The following PUDP variants were observed in gnomAD, a reference collection of about 807,000 sequenced individuals.
PUDP encodes the protein pseudouridine-5'-phosphatase.
In PUDP, 8 loss-of-function variants were observed where a neutral mutation model predicts 9.4. The observed-to-expected ratio is 0.85, with a 90% confidence interval of 0.50 to 1.53. PUDP has a LOEUF of 1.53. PUDP is among the 40% of genes most tolerant of loss of function. The pLI, the probability that PUDP is intolerant of heterozygous loss-of-function variation, is 0.00. For synonymous variants in PUDP, 99 were observed against 80.7 expected (o/e 1.23, Z -1.22); for missense variants, 188 against 189.7 (o/e 0.99, Z 0.05).
intron 1 of PUDP, among the ~76,000 whole-genome samples, chrX:7,002,558 G>A (rs1259157249): frequency 1.8e-5 from 2 of 111,492 alleles, no homozygotes; most frequent in African/African-American, 3.3e-5. Context: ...TGCCTAATGG[G>A]TGAGCTTCAA....
At chrX:6,770,779 C>T (rs189344735) in intron 3 of PUDP, among the ~76,000 whole-genome samples, 1 of 111,534 alleles carries the variant, frequency 9.0e-6, no homozygotes, top group East Asian at 2.8e-4. Context: ...AGAACCTGAC[C>T]GACAGATATG....
At chrX:6,869,114 C>G (rs1293721880) in intron 3 of PUDP, among the ~76,000 whole-genome samples, 2 of 111,945 alleles carry the variant, frequency 1.8e-5, no homozygotes, top group African/African-American at 6.5e-5. Flanking sequence ...ACCACCTGCT[C>G]TCAGCCAAAT....
Position 7,050,136 on chromosome X carries a change from G to A in PUDP, c.*160C>T, listed in dbSNP as rs1930054610. The A allele has an allele frequency of 2.1e-6, 1 of 473,231 alleles. No individual in the cohort carries two copies. The highest frequency in any genetic ancestry group is 3.4e-6 in the Non-Finnish European group (1 of 290,286). The allele number at this position is 473,231 out of a possible 1,213,427, so 39.0% of individuals were successfully genotyped here. A position where few individuals can be genotyped will look rare whatever the true frequency, so the allele number is the denominator to read the frequency against. On this transcript the variant is annotated 3_prime_UTR_variant, in exon 4 of 4. Coordinates refer to ENST00000381077, the MANE Select transcript of PUDP (RefSeq NM_012080.5). ...CCGTCAAGTCACATTTTATCAACAC[G>A]TTAGACTGGGACAAACCAACATGGG... is the stretch of plus-strand genomic sequence containing the variant.
chrX:6,845,072 C>A (rs767628344), intron 3 of PUDP, among the ~76,000 whole-genome samples: 1 of 112,257 alleles, frequency 8.9e-6, no homozygotes, highest in African/African-American at 3.2e-5. Context: ...TTCAAATGCT[C>A]ATCTCTTCCA....
intron 3 of PUDP, among the ~76,000 whole-genome samples, chrX:6,860,803 C>T (rs772886637): frequency 1.8e-5 from 2 of 112,378 alleles, no homozygotes; most frequent in Non-Finnish European, 3.8e-5. Flanking sequence ...CATGTTCTGC[C>T]TCCTAATGAA....
At chrX:6,934,511 C>T (rs1408094332) in intron 3 of PUDP, among the ~76,000 whole-genome samples, 2 of 109,921 alleles carry the variant, frequency 1.8e-5, no homozygotes, top group Non-Finnish European at 3.8e-5. Flanking sequence ...ACAACCGGTA[C>T]CAGCCGCTGC....
At chrX:6,818,074 T>C (rs1271163888) in intron 3 of PUDP, among the ~76,000 whole-genome samples, 1 of 111,785 alleles carries the variant, frequency 8.9e-6, no homozygotes, top group African/African-American at 3.2e-5. Flanking sequence ...CCATATTCTA[T>C]ATGAAGTCTC....
chrX:7,064,140 T>A, intron 3 of PUDP, among the ~76,000 whole-genome samples: 1 of 111,543 alleles, frequency 9.0e-6, no homozygotes, highest in Admixed American at 9.5e-5. Context: ...TATGTTGGGA[T>A]ATGCACTGGA....
intron 2 of PUDP, among the ~76,000 whole-genome samples, chrX:7,081,401 C>T (rs1931082189): frequency 8.9e-6 from 1 of 112,142 alleles, no homozygotes; most frequent in African/African-American, 3.2e-5. Context: ...AATCCTCTTG[C>T]CTCGGCCTCT....
intron 3 of PUDP, among the ~76,000 whole-genome samples, chrX:6,972,738 G>A (rs1928895834): frequency 8.9e-6 from 1 of 111,978 alleles, no homozygotes; most frequent in Non-Finnish European, 1.9e-5. Context: ...AGTTAGGGAG[G>A]AGTCCCTCTT....
intron 1 of PUDP, among the ~76,000 whole-genome samples, chrX:7,018,811 T>C (rs968686692): frequency 1.8e-5 from 2 of 111,697 alleles, no homozygotes; most frequent in Non-Finnish European, 3.8e-5. Flanking sequence ...TTGAACTTGC[T>C]GGTCGGCATT....
At chrX:7,002,616 G>A (rs1929342027) in intron 1 of PUDP, among the ~76,000 whole-genome samples, 1 of 111,230 alleles carries the variant, frequency 9.0e-6, no homozygotes, top group South Asian at 3.8e-4. Flanking sequence ...TGGAAGACAT[G>A]GAGAAGGGGT....
intron 3 of PUDP, among the ~76,000 whole-genome samples, chrX:6,968,452 G>A (rs773543656): frequency 5.4e-5 from 6 of 111,164 alleles, no homozygotes; most frequent in Middle Eastern, 4.6e-3. Flanking sequence ...CTGGGGCAGG[G>A]GGGTGTGAGT....
chrX:6,917,572 C>T (rs1325819872), intron 3 of PUDP, among the ~76,000 whole-genome samples: 1 of 111,416 alleles, frequency 9.0e-6, no homozygotes, highest in African/African-American at 3.3e-5. Context: ...ATAGGGCCGA[C>T]ACATGATGAA....
intron 3 of PUDP, among the ~76,000 whole-genome samples, chrX:6,945,747 A>T (rs758149425): frequency 1.8e-5 from 2 of 111,748 alleles, no homozygotes; most frequent in East Asian, 5.6e-4. Flanking sequence ...CAAATCATAA[A>T]GTTGTGCACA....
chrX:7,080,729 AACTGATGGAT>A (rs1261382462), intron 2 of PUDP, among the ~76,000 whole-genome samples: 1 of 111,246 alleles, frequency 9.0e-6, no homozygotes, highest in Non-Finnish European at 1.9e-5. Context: ...ACCTTAACCT[AACTGATGGAT>A]GAGATAAAAG....
intron 3 of PUDP, among the ~76,000 whole-genome samples, chrX:6,892,554 C>T (rs1040403575): frequency 3.6e-5 from 4 of 110,429 alleles, no homozygotes; most frequent in African/African-American, 9.9e-5. Context: ...AGGAAAGACC[C>T]GTCCCCATGA....
chrX:6,854,131 C>T (rs1926869873), intron 3 of PUDP, among the ~76,000 whole-genome samples: 1 of 111,696 alleles, frequency 9.0e-6, no homozygotes, highest in Non-Finnish European at 1.9e-5. Context: ...CTTTTTATAA[C>T]TGAACAATAT....
intron 3 of PUDP, among the ~76,000 whole-genome samples, chrX:6,976,575 T>A (rs1190209850): frequency 9.0e-6 from 1 of 111,671 alleles, no homozygotes; most frequent in African/African-American, 3.3e-5. Context: ...GTACCTCAAT[T>A]GGAAATGCAG....
Sources: allele counts gnomAD v4.1 joint callset (sites outside exome capture counted in the v4.1 genomes callset), GRCh38; gene constraint gnomAD v4.1.1; transcripts MANE v1.5; gene names NCBI Gene and HGNC (gene_info 2026-07-23, HGNC 2026-07-21).